The following PTPRD variants were observed in gnomAD, a reference collection of about 807,000 sequenced individuals.
PTPRD encodes protein tyrosine phosphatase receptor type D.
In PTPRD, 34 loss-of-function variants were observed where a neutral mutation model predicts 214.5. The ratio of observed to expected loss-of-function variants is 0.16; its 90% confidence interval spans 0.12 to 0.21. The LOEUF is 0.21. PTPRD is among the 10% of genes least tolerant of loss of function. The pLI, the probability that PTPRD is intolerant of heterozygous loss-of-function variation, is 1.00. For synonymous variants in PTPRD, 1,128 were observed against 845.7 expected, an observed-to-expected ratio of 1.33 and a Z score of -5.79; for missense variants, 2,545 against 2,398.7, an observed-to-expected ratio of 1.06 and a Z score of -1.27.
At chr9:10,228,297 T>C (rs1329349378) in intron 3 of PTPRD, among the ~76,000 whole-genome samples, 1 of 152,048 alleles carries the variant, frequency 6.6e-6, no homozygotes, top group Non-Finnish European at 1.5e-5. Context: ...TAGTTTGTTT[T>C]CACATTTTGT....
intron 7 of PTPRD, among the ~76,000 whole-genome samples, chr9:9,682,301 C>A (rs1230679792): frequency 6.6e-6 from 1 of 151,734 alleles, no homozygotes; most frequent in Non-Finnish European, 1.5e-5. Flanking sequence ...ATATTGGATC[C>A]TCTTTCCCAT....
At chr9:8,387,707 C>T (rs900836139) in intron 37 of PTPRD, among the ~76,000 whole-genome samples, 1 of 152,128 alleles carries the variant, frequency 6.6e-6, no homozygotes, top group Non-Finnish European at 1.5e-5. Flanking sequence ...GCTGAATGAC[C>T]TTGGGCAAAG....
intron 2 of PTPRD, among the ~76,000 whole-genome samples, chr9:10,567,513 T>C (rs2065985982): frequency 6.6e-6 from 1 of 152,114 alleles, no homozygotes; most frequent in South Asian, 2.1e-4. Context: ...TGAAAGACAA[T>C]CTGAAGCAGG....
At chr9:9,435,858 C>A (rs2085035036) in intron 8 of PTPRD, among the ~76,000 whole-genome samples, 1 of 152,076 alleles carries the variant, frequency 6.6e-6, no homozygotes, top group Non-Finnish European at 1.5e-5. Context: ...TAATTACCAG[C>A]AAAAGATTTA....
chr9:9,734,461 A>G (rs1447438032), intron 7 of PTPRD, 72 bp downstream of exon 7: 1 of 152,004 alleles, frequency 6.6e-6, no homozygotes, highest in African/African-American at 2.4e-5. Flanking sequence ...ATAAAAACAT[A>G]CTCCAAGGAA....
intron 11 of PTPRD, among the ~76,000 whole-genome samples, chr9:8,855,147 T>A (rs935954105): frequency 4.0e-5 from 6 of 150,502 alleles, no homozygotes; most frequent in Non-Finnish European, 8.9e-5. Flanking sequence ...TTTTTTTTAA[T>A]GTCTCTCTAG....
chr9:8,357,960 A>T (rs2077395714), intron 39 of PTPRD, among the ~76,000 whole-genome samples: 1 of 152,182 alleles, frequency 6.6e-6, no homozygotes, highest in Non-Finnish European at 1.5e-5. Context: ...AAAGGAAACC[A>T]ATACTTCTTG....
intron 14 of PTPRD, among the ~76,000 whole-genome samples, chr9:8,586,302 A>T (rs1183880506): frequency 6.6e-6 from 1 of 152,184 alleles, no homozygotes; most frequent in Admixed American, 6.5e-5. Context: ...CTGTCTCAAA[A>T]AATAATAATA....
At chr9:8,617,018 C>T (rs1443697693) in intron 14 of PTPRD, among the ~76,000 whole-genome samples, 2 of 152,066 alleles carry the variant, frequency 1.3e-5, no homozygotes, top group Non-Finnish European at 2.9e-5. Context: ...CCTGTGAGTA[C>T]AACCGTACTC....
chr9:9,813,198 T>A (rs1386259735), intron 5 of PTPRD, among the ~76,000 whole-genome samples: 1 of 151,924 alleles, frequency 6.6e-6, no homozygotes, highest in East Asian at 1.9e-4. Flanking sequence ...TTATTAATAA[T>A]AAAGATCTCA....
At chr9:8,878,961 G>A (rs1978741) in intron 11 of PTPRD, among the ~76,000 whole-genome samples, 149,916 of 152,328 alleles carry the variant, frequency 0.98, 73,808 homozygotes, top group Middle Eastern at 1. Context: ...GCTACAGTTG[G>A]TTGCATTTCT....
chr9:10,432,854 T>C (rs2098692183), intron 2 of PTPRD, among the ~76,000 whole-genome samples: 1 of 151,938 alleles, frequency 6.6e-6, no homozygotes, highest in Admixed American at 6.6e-5. Context: ...GGATGACAGG[T>C]TGTTTCATAC....
intron 41 of PTPRD, 102 bp downstream of exon 41, chr9:8,340,988 A>C: frequency 1.6e-6 from 2 of 1,234,142 alleles, no homozygotes; most frequent in Non-Finnish European, 2.2e-6. Flanking sequence ...CCTATGCAGA[A>C]AGAAAATGTC....
intron 7 of PTPRD, among the ~76,000 whole-genome samples, chr9:9,625,517 C>T (rs1033800354): frequency 6.6e-6 from 1 of 151,842 alleles, no homozygotes; most frequent in East Asian, 1.9e-4. Flanking sequence ...CTCTGAATTA[C>T]TGTGAGGTGA....
chr9:8,750,846 G>A lies in PTPRD; in HGVS notation c.-103-16900C>T, dbSNP rs77167863. On this transcript the variant is annotated intron_variant, in intron 11 of 45. Coordinates refer to ENST00000381196, the MANE Select transcript of PTPRD (RefSeq NM_002839.4). ...CTGAAATGCAGTGGAAGACACTGGA[G>A]GGCTTTATGCTATGGAGTGACACGG... Among the ~76,000 whole-genome samples, 54 of 152,268 alleles carry A rather than the reference G, an allele frequency of 3.5e-4. No individual in the cohort carries two copies. In the East Asian group the frequency reaches 0.01, roughly 30 times the overall value.
At chr9:8,442,532 G>C (rs1224439387) in intron 34 of PTPRD, among the ~76,000 whole-genome samples, 2 of 152,058 alleles carry the variant, frequency 1.3e-5, no homozygotes, top group African/African-American at 4.8e-5. Context: ...TTGTGATAAA[G>C]GCTGGAGAAC....
At chr9:8,890,407 C>A (rs1169740205) in intron 11 of PTPRD, among the ~76,000 whole-genome samples, 1 of 152,184 alleles carries the variant, frequency 6.6e-6, no homozygotes, top group Admixed American at 6.5e-5. Context: ...TGGCCTCAGG[C>A]AAGAATCTTG....
intron 5 of PTPRD, among the ~76,000 whole-genome samples, chr9:9,777,648 C>G (rs1046369447): frequency 2.0e-5 from 3 of 152,132 alleles, no homozygotes; most frequent in Non-Finnish European, 4.4e-5. Flanking sequence ...AGTGAGCCAT[C>G]ATCACATCAC....
At chr9:10,033,221 T>C (rs543181052) in intron 4 of PTPRD, among the ~76,000 whole-genome samples, 4 of 151,748 alleles carry the variant, frequency 2.6e-5, no homozygotes, top group Non-Finnish European at 4.4e-5. Flanking sequence ...AGAAACATGA[T>C]ACCAAGAAAT....
Sources: gnomAD v4.1 joint callset for allele counts (sites outside exome capture counted in the v4.1 genomes callset) on GRCh38, gnomAD v4.1.1 for gene constraint, MANE v1.5 for transcripts, NCBI Gene and HGNC (gene_info 2026-07-23, HGNC 2026-07-21) for gene names.